The following CCDC80 variants were observed in gnomAD, a reference collection of about 807,000 sequenced individuals.
The protein encoded by CCDC80 is coiled-coil domain containing 80, also known as coiled-coil domain-containing protein 80.
A neutral mutation model predicts 78.7 loss-of-function variants in CCDC80; 49 were observed. That is an observed-to-expected ratio of 0.62 (90% CI 0.50 to 0.79). The LOEUF is 0.79. CCDC80 is among the 30% of genes least tolerant of loss of function. CCDC80 has a pLI of 0.00. For missense variants in CCDC80, 1,205 were observed against 1,198.6 expected (o/e 1.01, Z -0.08); for synonymous variants, 488 against 447.0 (o/e 1.09, Z -1.16).
chr3:112,611,389 T>A (rs1169224194), intron 5 of CCDC80, among the ~76,000 whole-genome samples: 1 of 152,202 alleles, frequency 6.6e-6, no homozygotes, highest in Non-Finnish European at 1.5e-5. Flanking sequence ...GTTGACATTA[T>A]CCATCACGGC....
chr3:112,620,916 C>T (rs1935851313), intron 3 of CCDC80, among the ~76,000 whole-genome samples: 1 of 152,150 alleles, frequency 6.6e-6, no homozygotes, highest in African/African-American at 2.4e-5. Context: ...TGGTTCTGTG[C>T]TGAGTGCTAG....
rs1935393895 is a variant in CCDC80 at position 112,602,640 on chromosome 3, A to C, written c.*2777T>G. On this transcript the variant is annotated 3_prime_UTR_variant, in exon 8 of 8. Transcript: ENST00000206423. The stretch of plus-strand genomic sequence containing the variant: ...ATCAAGCCAGCCACAAAATTCCCTT[A>C]AGCCAAAGCCTAGTTCAGAGCAAGG... The C allele has an allele frequency of 6.6e-6, 1 of 152,254 alleles. No individual in the cohort carries two copies. The highest frequency in any genetic ancestry group is 6.5e-5 in the Admixed American group (1 of 15,284). The allele number at this position is 152,254 out of a possible 1,614,324, so 9.4% of individuals were successfully genotyped here. A position where few individuals can be genotyped will look rare whatever the true frequency, so the allele number is the denominator to read the frequency against.
In CCDC80 at chr3:112,610,097, A is replaced by C. The variant is rs560386080; in HGVS notation, c.2322-16T>G. The C allele has an allele frequency of 1.5e-4, 243 of 1,604,644 alleles. 2 individuals carry two copies. The South Asian group carries it at 2.6e-3, about 17-fold the overall frequency. On this transcript the variant is annotated splice_polypyrimidine_tract_variant and intron_variant, in intron 5 of 7. Coordinates refer to ENST00000206423, the MANE Select transcript of CCDC80 (RefSeq NM_199511.3). ...CCACCGGAACCTGGAAAAAAAAAGC[A>C]GGACACCATTACTGCTTACTGCTTC...
In CCDC80 at chr3:112,639,513, A is replaced by G. The variant is rs1304701850; in HGVS notation, c.393T>C (p.Arg131=). Residue 131 remains arginine, a synonymous_variant, in exon 2 of 8, where the codon CGT becomes CGC. Transcript: ENST00000206423. ...EGSSARSRML[R]FPSGSSSPNI... is the part of the protein sequence containing the mutation. ...TGGGAGAGCTGGACCCCGAAGGGAA[A>G]CGCAACATTCTTGACCGAGCTGAGG... 1 of 1,614,014 alleles carries G rather than the reference A, an allele frequency of 6.2e-7. No individual in the cohort carries two copies. Among genetic ancestry groups the G allele is most frequent in the Non-Finnish European group, 8.5e-7 (1 of 1,180,032 alleles).
chr3:112,614,714 G>T (rs1223157135), intron 5 of CCDC80, among the ~76,000 whole-genome samples: 5 of 152,194 alleles, frequency 3.3e-5, no homozygotes, highest in Non-Finnish European at 7.4e-5. Context: ...GGTTTTAAGA[G>T]TATCTTCCTT....
rs192552023 is a variant in CCDC80, at chr3:112,605,020, G to T, written c.*397C>A. ...TGTTCTTTGTTTTATCTTTTCAGAT[G>T]TTTCTTGAAAACATTGTGGTGTGAT... is the stretch of plus-strand genomic sequence containing the variant. On this transcript the variant is annotated 3_prime_UTR_variant, in exon 8 of 8. Coordinates refer to ENST00000206423, the MANE Select transcript of CCDC80 (RefSeq NM_199511.3). 6.4e-6 allele frequency: 1 copy of T among 156,650 alleles called. No homozygotes were observed. Among genetic ancestry groups the T allele is most frequent in the East Asian group, 1.9e-4 (1 of 5,328 alleles). The allele number at this position is 156,650 out of a possible 1,614,324, so 9.7% of individuals were successfully genotyped here.
chr3:112,597,139 C>T lies in CCDC80; in HGVS notation c.*8278G>A, dbSNP rs922180501. 3.9e-5 allele frequency: 6 copies of T among 152,142 alleles called. No individual in the cohort carries two copies. The highest frequency in any genetic ancestry group is 3.3e-4 in the Admixed American group (5 of 15,268). The allele number at this position is 152,142 out of a possible 1,614,324, so 9.4% of individuals were successfully genotyped here. ...GACTATAAACAACACATCATAAATC[C>T]CACTGCCCTTATCTTGGCCCAAAGA... On this transcript the variant is annotated 3_prime_UTR_variant, in exon 8 of 8. Coordinates refer to ENST00000206423, the MANE Select transcript of CCDC80 (RefSeq NM_199511.3).
chr3:112,627,506 C>T (rs1268227040), intron 3 of CCDC80, among the ~76,000 whole-genome samples: 1 of 152,142 alleles, frequency 6.6e-6, no homozygotes, highest in Non-Finnish European at 1.5e-5. Flanking sequence ...TGGATGTGTG[C>T]CCCTGCTTTC....
rs1219586776 is a variant in CCDC80 at position 112,597,290 on chromosome 3, A to G, written c.*8127T>C. 1 of 152,218 alleles carries G rather than the reference A, an allele frequency of 6.6e-6. No homozygotes were observed. The highest frequency in any genetic ancestry group is 3.2e-3 in the Middle Eastern group (1 of 316). 9.4% of individuals were successfully genotyped at this position (152,218 alleles called of 1,614,324 possible). A position where few individuals can be genotyped will look rare whatever the true frequency, so the allele number is the denominator to read the frequency against. ...TTAGGAAGCTAAGTGGGTAAGAAAG[A>G]AAAAATAAAGGCAGAGCATAACGAT... On this transcript the variant is annotated 3_prime_UTR_variant, in exon 8 of 8. Coordinates refer to ENST00000206423, the MANE Select transcript of CCDC80 (RefSeq NM_199511.3).
intron 5 of CCDC80, among the ~76,000 whole-genome samples, chr3:112,611,757 G>T (rs944339888): frequency 3.3e-5 from 5 of 152,152 alleles, no homozygotes; most frequent in African/African-American, 1.2e-4. Flanking sequence ...CATCTTCACT[G>T]GTGTTTTGCT....
chr3:112,612,908 A>G (rs1362579940), intron 5 of CCDC80, among the ~76,000 whole-genome samples: 1 of 147,066 alleles, frequency 6.8e-6, no homozygotes, highest in African/African-American at 2.5e-5. Flanking sequence ...CTGGGTTTCA[A>G]TTCTGGAGTA....
chr3:112,621,303 A>G (rs1318872113), intron 3 of CCDC80, among the ~76,000 whole-genome samples: 1 of 152,206 alleles, frequency 6.6e-6, no homozygotes, highest in African/African-American at 2.4e-5. Context: ...GAATATGCCC[A>G]CACCAGCTTG....
intron 5 of CCDC80, among the ~76,000 whole-genome samples, chr3:112,615,821 G>A (rs1004868224): frequency 5.3e-5 from 8 of 152,084 alleles, no homozygotes; most frequent in African/African-American, 1.7e-4. Context: ...AAACGCCATG[G>A]CAACGTCAGG....
chr3:112,627,534 T>C (rs1936001696), intron 3 of CCDC80, among the ~76,000 whole-genome samples: 1 of 152,226 alleles, frequency 6.6e-6, no homozygotes, highest in Admixed American at 6.5e-5. Context: ...AGTAAAAGTC[T>C]GGAATAGTAG....
At chr3:112,605,921 T>G (rs1935477903) in intron 7 of CCDC80, among the ~76,000 whole-genome samples, 158 bp from the exon 8 acceptor site, 2 of 152,378 alleles carry the variant, frequency 1.3e-5, no homozygotes, top group African/African-American at 4.8e-5. Context: ...GGGCTTTTTC[T>G]ACTAGAAATT....
chr3:112,638,045 C>T lies in CCDC80; in HGVS notation c.1861G>A (p.Gly621Ser), dbSNP rs1234493380. 6.9e-6 allele frequency: 11 copies of T among 1,603,638 alleles called. No individual in the cohort carries two copies. Among genetic ancestry groups the T allele is most frequent in the East Asian group, 6.7e-5 (3 of 44,850 alleles). ...SVADLLGSFE[G>S]KRRLLLITAP... Reference sequence around the variant, plus strand: ...CTACTTACAAGGAGTCTTCGTTTGCCTTCAAAGGACCCCAGCAGGTCGGCC... The same window carrying T: ...CTACTTACAAGGAGTCTTCGTTTGCTTTCAAAGGACCCCAGCAGGTCGGCC... Residue 621 changes from glycine (G) to serine (S), a missense_variant, in exon 2 of 8, where the codon GGC (glycine) becomes AGC (serine). By Grantham distance (56) the Gly-to-Ser change is moderately conservative. Coordinates refer to ENST00000206423, the MANE Select transcript of CCDC80 (RefSeq NM_199511.3).
chr3:112,639,354 G>C lies in CCDC80; in HGVS notation c.552C>G (p.Ile184Met), dbSNP rs150275337. ...CCTGGTGGAAGAGCACAATCTGTTG[G>C]ATGTGCCTCTCCGCCAGCTCACAGT... ...DVYCELAERH[I>M]QQIVLFHQAG... Residue 184 changes from isoleucine (I) to methionine (M), a missense_variant, in exon 2 of 8, where the codon ATC (isoleucine) becomes ATG (methionine). Transcript: ENST00000206423. 4 of 1,614,130 alleles carry C rather than the reference G, an allele frequency of 2.5e-6. No individual in the cohort carries two copies. The highest frequency in any genetic ancestry group is 2.2e-5 in the East Asian group (1 of 44,884).
intron 3 of CCDC80, among the ~76,000 whole-genome samples, chr3:112,619,465 C>G (rs566256236): frequency 3.7e-4 from 56 of 152,174 alleles, no homozygotes; most frequent in African/African-American, 1.3e-3. Context: ...GGAACTGGAC[C>G]GACCCAGACA....
intron 2 of CCDC80, among the ~76,000 whole-genome samples, chr3:112,634,076 C>T (rs1252010193): frequency 1.3e-5 from 2 of 152,150 alleles, no homozygotes; most frequent in African/African-American, 4.8e-5. Flanking sequence ...TGGAAAAAAG[C>T]TAGAGGGAAG....
Sources: allele counts gnomAD v4.1 joint callset (sites outside exome capture counted in the v4.1 genomes callset), GRCh38; gene constraint gnomAD v4.1.1; transcripts MANE v1.5; gene names NCBI Gene and HGNC (gene_info 2026-07-23, HGNC 2026-07-21).